The following CHRM3 variants were observed in gnomAD, a reference collection of about 807,000 sequenced individuals.
The protein encoded by CHRM3 is muscarinic acetylcholine receptor M3.
CHRM3 carries 11 observed loss-of-function variants against 41.8 expected under a neutral mutation model. The observed-to-expected ratio is 0.26, with a 90% CI of 0.17 to 0.44. The LOEUF is 0.44. CHRM3 is among the 20% of genes least tolerant of loss of function. CHRM3 has a pLI of 1.00. For synonymous variants in CHRM3, 297 were observed against 301.4 expected (o/e 0.99, Z 0.15); for missense variants, 571 against 745.4 (o/e 0.77, Z 2.72).
intron 5 of CHRM3, among the ~76,000 whole-genome samples, chr1:239,725,517 A>G (rs977473886): frequency 6.6e-6 from 1 of 151,966 alleles, no homozygotes; most frequent in African/African-American, 2.4e-5. Flanking sequence ...CTCACTGAAT[A>G]AATAAAGATA....
intron 1 of CHRM3, among the ~76,000 whole-genome samples, chr1:239,396,523 A>G (rs981679088): frequency 1.3e-5 from 2 of 152,108 alleles, no homozygotes; most frequent in African/African-American, 2.4e-5. Context: ...TGAGGCAAGG[A>G]GGATCCCTTG....
At chr1:239,436,940 ATC>A (rs1482520644) in intron 1 of CHRM3, among the ~76,000 whole-genome samples, 5 of 152,008 alleles carry the variant, frequency 3.3e-5, no homozygotes, top group African/African-American at 1.2e-4. Context: ...CAGTGAGGTG[ATC>A]TCTCGTGGGA....
chr1:239,688,329 T>G (rs1252975412), intron 5 of CHRM3, among the ~76,000 whole-genome samples: 1 of 146,436 alleles, frequency 6.8e-6, no homozygotes, highest in Non-Finnish European at 1.5e-5. Flanking sequence ...GATATTTGTG[T>G]GTGTTTGTGT....
At chr1:239,874,697 CTT>C (rs372147115) in intron 6 of CHRM3, among the ~76,000 whole-genome samples, 1 of 144,382 alleles carries the variant, frequency 6.9e-6, no homozygotes, top group Non-Finnish European at 1.5e-5. Context: ...TTTGGCATTA[CTT>C]TTTTTTTTTT....
chr1:239,501,384 CTA>C (rs1668231874), intron 2 of CHRM3, among the ~76,000 whole-genome samples: 3 of 152,164 alleles, frequency 2.0e-5, no homozygotes. Flanking sequence ...GGCTATAAAA[CTA>C]GCCTCAATAA....
intron 3 of CHRM3, among the ~76,000 whole-genome samples, chr1:239,563,452 A>T (rs961735069): frequency 4.6e-5 from 7 of 152,192 alleles, no homozygotes; most frequent in African/African-American, 1.7e-4. Context: ...CTTAAAAAAA[A>T]TGTAAAAGAG....
intron 2 of CHRM3, among the ~76,000 whole-genome samples, chr1:239,506,566 G>T (rs1027450149): frequency 5.3e-5 from 8 of 152,172 alleles, no homozygotes; most frequent in Non-Finnish European, 1.0e-4. Context: ...TTACTGCAGG[G>T]GTGGTGCCCT....
At chr1:239,416,475 A>G (rs1475473364) in intron 1 of CHRM3, among the ~76,000 whole-genome samples, 2 of 152,188 alleles carry the variant, frequency 1.3e-5, no homozygotes, top group African/African-American at 2.4e-5. Context: ...CAAGAATGAA[A>G]TATACTTTTA....
chr1:239,482,172 G>A (rs945239017), intron 1 of CHRM3, among the ~76,000 whole-genome samples: 7 of 151,774 alleles, frequency 4.6e-5, no homozygotes, highest in East Asian at 1.9e-4. Flanking sequence ...CCCCTGCCTC[G>A]GGTATGACAG....
chr1:239,725,941 T>A (rs929345523), intron 5 of CHRM3, among the ~76,000 whole-genome samples: 7 of 151,936 alleles, frequency 4.6e-5, no homozygotes, highest in Non-Finnish European at 8.8e-5. Context: ...CCAGTGTAAA[T>A]GTCTTTAAAC....
chr1:239,537,442 T>C (rs1408596243), intron 2 of CHRM3, among the ~76,000 whole-genome samples: 1 of 151,898 alleles, frequency 6.6e-6, no homozygotes, highest in East Asian at 1.9e-4. Context: ...AACAGCCAGA[T>C]TACTATCGAG....
chr1:239,843,879 A>G (rs561231096), intron 6 of CHRM3, among the ~76,000 whole-genome samples: 6 of 151,774 alleles, frequency 4.0e-5, no homozygotes, highest in East Asian at 3.9e-4. Flanking sequence ...GTGTGTGTGT[A>G]TATATATATA....
intron 1 of CHRM3, among the ~76,000 whole-genome samples, chr1:239,388,642 T>C (rs1441239391): frequency 6.6e-6 from 1 of 152,210 alleles, no homozygotes; most frequent in Non-Finnish European, 1.5e-5. Flanking sequence ...ATTGTAGTGG[T>C]AGCACGTTAA....
At chr1:239,511,800 G>A (rs1668940966) in intron 2 of CHRM3, among the ~76,000 whole-genome samples, 1 of 152,180 alleles carries the variant, frequency 6.6e-6, no homozygotes, top group Non-Finnish European at 1.5e-5. Flanking sequence ...GATGAAAAGT[G>A]CAGAAGATAA....
At chr1:239,749,179 C>CT (rs1665605414) in intron 5 of CHRM3, among the ~76,000 whole-genome samples, 2 of 152,170 alleles carry the variant, frequency 1.3e-5, no homozygotes, top group African/African-American at 4.8e-5. Flanking sequence ...GGTGGTCAAA[C>CT]TTTACCTTTT....
At chr1:239,863,355 T>C (rs1046545670) in intron 6 of CHRM3, among the ~76,000 whole-genome samples, 7 of 152,172 alleles carry the variant, frequency 4.6e-5, no homozygotes, top group African/African-American at 1.7e-4. Flanking sequence ...GCCGTCACCT[T>C]AGGGTGCCCT....
chr1:239,439,409 G>A (rs914096168), intron 1 of CHRM3, among the ~76,000 whole-genome samples: 1 of 152,234 alleles, frequency 6.6e-6, no homozygotes, highest in East Asian at 1.9e-4. Context: ...ATTGGAATTC[G>A]TGATATTTCC....
Position 239,605,998 on chromosome 1 carries a change from C to G in CHRM3, c.-312-26226C>G, listed in dbSNP as rs1382300365. 2.0e-5 allele frequency: 3 copies of G among 152,262 alleles called. No homozygotes were observed. The South Asian group carries it at 6.2e-4, about 32-fold the overall frequency. The allele number at this position is 152,262 out of a possible 1,614,324, so 9.4% of individuals were successfully genotyped here. A position where few individuals can be genotyped will look rare whatever the true frequency, so the allele number is the denominator to read the frequency against. ...ACTATTGGTCTTGTTTGCTCTTACT[C>G]TCTCAGTGTACAGTGTACTTGACCA... On this transcript the variant is annotated intron_variant, in intron 3 of 6. Transcript: ENST00000676153.
chr1:239,692,455 T>A (rs1477817084), intron 5 of CHRM3, among the ~76,000 whole-genome samples: 1 of 152,158 alleles, frequency 6.6e-6, no homozygotes, highest in Non-Finnish European at 1.5e-5. Flanking sequence ...TCTCACTGTT[T>A]TGAAATATTG....
Sources: gnomAD v4.1 joint callset for allele counts (sites outside exome capture counted in the v4.1 genomes callset) on GRCh38, gnomAD v4.1.1 for gene constraint, MANE v1.5 for transcripts, NCBI Gene and HGNC (gene_info 2026-07-23, HGNC 2026-07-21) for gene names.